ASCC3: variants seen among roughly 807,000 people sequenced by gnomAD.
ASCC3 encodes ASC-1 complex subunit P200.
In ASCC3, 158 loss-of-function variants were observed where a neutral mutation model predicts 256.3. That is an observed-to-expected ratio of 0.62 (90% CI 0.54 to 0.70). The LOEUF is 0.70. Ranked by LOEUF, ASCC3 falls within the 30% of genes least tolerant of loss-of-function variation. The probability of loss-of-function intolerance (pLI) is 0.00; values close to 1 mark genes in which losing one functional copy is unlikely to be tolerated. For synonymous variants in ASCC3, 948 were observed against 883.4 expected, an observed-to-expected ratio of 1.07 and a Z score of -1.30; for missense variants, 2,259 against 2,626.0, an observed-to-expected ratio of 0.86 and a Z score of 3.05.
chr6:100,638,686 A>G lies in ASCC3; in HGVS notation c.4037T>C (p.Leu1346Pro). 1.2e-6 allele frequency: 2 copies of G among 1,614,138 alleles called. No individual in the cohort carries two copies. The highest frequency in any genetic ancestry group is 1.7e-6 in the Non-Finnish European group (2 of 1,179,982). ...HTLYHTDCNV[L>P]LGAPTGSGKT... ...TCCCGATCCAGTAGGTGCTCCAAGT[A>G]GGACATTACAATCCGTGTGATACAA... The change falls in exon 25 of 42, where the codon CTA becomes CCA. Residue 1346 changes from leucine (L) to proline (P), a missense_variant. This residue lies in a region of ASCC3 where 1,839 missense variants were observed against 2,206.7 expected (regional missense o/e 0.83). Coordinates refer to ENST00000369162, the MANE Select transcript of ASCC3 (RefSeq NM_006828.4).
chr6:100,652,754 G>T lies in ASCC3; in HGVS notation c.2959C>A (p.His987Asn). The T allele has an allele frequency of 1.2e-6, 2 of 1,613,762 alleles. No homozygotes were observed. Among genetic ancestry groups the T allele is most frequent in the Non-Finnish European group, 1.7e-6 (2 of 1,179,878 alleles). Residue 987 changes from histidine to asparagine, a missense_variant, in exon 18 of 42, where the codon CAT becomes AAT. This residue lies in a region of ASCC3 where 1,839 missense variants were observed against 2,206.7 expected (regional missense o/e 0.83). Coordinates refer to ENST00000369162, the MANE Select transcript of ASCC3 (RefSeq NM_006828.4). ...SSTDLGRTAS[H>N]YYIKYNTIET... ...ATGGTGTTGTATTTAATATAGTAAT[G>T]GCTGGCAGTTCTACCCAAATCAGTT...
chr6:100,652,235 A>G (rs922814419), intron 18 of ASCC3, among the ~76,000 whole-genome samples: 2 of 152,166 alleles, frequency 1.3e-5, no homozygotes, highest in Non-Finnish European at 2.9e-5. Flanking sequence ...CAAGTGAACA[A>G]ATTTAAAAAG....
intron 4 of ASCC3, among the ~76,000 whole-genome samples, chr6:100,823,570 C>T (rs921356999): frequency 1.2e-4 from 19 of 152,112 alleles, no homozygotes; most frequent in Admixed American, 7.2e-4. Flanking sequence ...TCATTATTAT[C>T]TGTTAAGGTC....
chr6:100,521,827 C>T (rs1479589317), intron 37 of ASCC3, among the ~76,000 whole-genome samples: 1 of 152,208 alleles, frequency 6.6e-6, no homozygotes, highest in Non-Finnish European at 1.5e-5. Context: ...GTAGCTTGCA[C>T]TGATACACTT....
rs187590449 is a variant in ASCC3 at position 100,552,183 on chromosome 6, C to T, written c.5551-11796G>A. 3.0e-3 allele frequency among the ~76,000 whole-genome samples: 459 copies of T among 151,718 alleles called. 4 individuals carry two copies. The highest frequency in any genetic ancestry group is 0.019 in the South Asian group (92 of 4,808). ...GTAATAATAATGATAATAATCACAT[C>T]TGATACTCTAAAGGATGTTAACTGA... On this transcript the variant is annotated intron_variant, in intron 36 of 41. Transcript: ENST00000369162.
rs1186784840 is a variant in ASCC3 at position 100,627,728 on chromosome 6, G to T, written c.4522-18C>A. ...AAGCCCATCTAGAGTAAATATGAGA[G>T]AGAAACCATTTTCAATTTTTATATT... On this transcript the variant is annotated intron_variant, in intron 28 of 41. Transcript: ENST00000369162. 2 of 1,612,786 alleles carry T rather than the reference G, an allele frequency of 1.2e-6. No individual in the cohort carries two copies. The highest frequency in any genetic ancestry group is 1.7e-6 in the Non-Finnish European group (2 of 1,179,362).
chr6:100,787,914 C>T (rs963173687), intron 8 of ASCC3, among the ~76,000 whole-genome samples: 2 of 150,942 alleles, frequency 1.3e-5, no homozygotes, highest in South Asian at 4.2e-4. Flanking sequence ...TTAATAACCT[C>T]GCGTGAGGCA....
intron 13 of ASCC3, among the ~76,000 whole-genome samples, chr6:100,697,416 C>A (rs1450879456): frequency 6.6e-6 from 1 of 150,630 alleles, no homozygotes; most frequent in Non-Finnish European, 1.5e-5. Context: ...CTGAGACACA[C>A]AAAAAAAAAG....
At chr6:100,656,423 A>G (rs1775918567) in intron 16 of ASCC3, among the ~76,000 whole-genome samples, 1 of 151,716 alleles carries the variant, frequency 6.6e-6, no homozygotes, top group Non-Finnish European at 1.5e-5. Flanking sequence ...CATATTAATA[A>G]TACATACATT....
At chr6:100,526,707 A>C (rs1438058828) in intron 37 of ASCC3, among the ~76,000 whole-genome samples, 1 of 152,154 alleles carries the variant, frequency 6.6e-6, no homozygotes, top group African/African-American at 2.4e-5. Context: ...AGGATTCTGC[A>C]CCACTGTGTG....
At chr6:100,832,367 G>A (rs1771663518) in intron 4 of ASCC3, among the ~76,000 whole-genome samples, 1 of 151,906 alleles carries the variant, frequency 6.6e-6, no homozygotes, top group Non-Finnish European at 1.5e-5. Context: ...TATTATTCAA[G>A]AATGAGAAAA....
At chr6:100,614,458 A>T (rs568297802) in intron 30 of ASCC3, among the ~76,000 whole-genome samples, 1 of 152,212 alleles carries the variant, frequency 6.6e-6, no homozygotes, top group East Asian at 1.9e-4. Context: ...ATGTTTCGGT[A>T]TCTTAAACGT....
chr6:100,699,222 G>A lies in ASCC3; in HGVS notation c.2151+16240C>T, dbSNP rs1035872924. Among the ~76,000 whole-genome samples the A allele has an allele frequency of 5.3e-5, 8 of 152,122 alleles. No individual in the cohort carries two copies. In the South Asian group the frequency reaches 6.2e-4, roughly 12 times the overall value. ...GTAACTCCCACAATTCTGATGTGTC[G>A]TGGGACTAACACGGTGGGAGGTAAT... On this transcript the variant is annotated intron_variant, in intron 13 of 41. Coordinates refer to ENST00000369162, the MANE Select transcript of ASCC3 (RefSeq NM_006828.4).
chr6:100,676,692 A>C (rs1777025560), intron 14 of ASCC3, among the ~76,000 whole-genome samples: 1 of 152,234 alleles, frequency 6.6e-6, no homozygotes, highest in African/African-American at 2.4e-5. Flanking sequence ...TTTCAGTTGC[A>C]GCTAAGGCAT....
chr6:100,809,189 A>G (rs974531910), intron 4 of ASCC3, among the ~76,000 whole-genome samples: 5 of 152,006 alleles, frequency 3.3e-5, no homozygotes, highest in Admixed American at 2.6e-4. Flanking sequence ...AAAAAATAGT[A>G]TTCACTAGTA....
chr6:100,712,591 C>T (rs1300851770), intron 13 of ASCC3, among the ~76,000 whole-genome samples: 2 of 151,820 alleles, frequency 1.3e-5, no homozygotes, highest in Admixed American at 6.6e-5. Flanking sequence ...GGCCAATATC[C>T]AAAATATTGA....
intron 39 of ASCC3, among the ~76,000 whole-genome samples, chr6:100,514,020 T>C (rs1562084863): frequency 6.6e-6 from 1 of 152,116 alleles, no homozygotes; most frequent in Non-Finnish European, 1.5e-5. Context: ...GATTTCCTTA[T>C]AGGCTTTGAT....
chr6:100,567,509 T>C (rs1421903129), intron 36 of ASCC3, among the ~76,000 whole-genome samples: 1 of 152,204 alleles, frequency 6.6e-6, no homozygotes, highest in Non-Finnish European at 1.5e-5. Flanking sequence ...TGAATGATTC[T>C]ATCACCCAAG....
At chr6:100,670,902 AAAC>A (rs966857506) in intron 14 of ASCC3, among the ~76,000 whole-genome samples, 22 of 152,082 alleles carry the variant, frequency 1.4e-4, no homozygotes, top group African/African-American at 4.8e-4. Flanking sequence ...AGGTAACTGG[AAAC>A]AACAAAAGTA....
Sources: allele counts gnomAD v4.1 joint callset (sites outside exome capture counted in the v4.1 genomes callset), GRCh38; gene constraint gnomAD v4.1.1; regional missense constraint gnomAD v4.1.1; transcripts MANE v1.5; gene names NCBI Gene and HGNC (gene_info 2026-07-23, HGNC 2026-07-21).